The following RBFOX1 variants were observed in gnomAD, a reference collection of about 807,000 sequenced individuals.
The protein encoded by RBFOX1 is RNA binding protein fox-1 homolog 1.
A neutral mutation model predicts 57.7 loss-of-function variants in RBFOX1; 8 were observed. The observed-to-expected ratio is 0.14, with a 90% CI of 0.08 to 0.25. The LOEUF (loss-of-function observed/expected upper bound fraction) is 0.25. Among genes scored for constraint, RBFOX1 ranks in the 10% least tolerant of loss-of-function variants. The probability of loss-of-function intolerance (pLI) is 1.00; values close to 1 mark genes in which losing one functional copy is unlikely to be tolerated. For synonymous variants in RBFOX1, 326 were observed against 222.4 expected, an observed-to-expected ratio of 1.47 and a Z score of -4.15; for missense variants, 611 against 548.5, an observed-to-expected ratio of 1.11 and a Z score of -1.14.
At position 7,289,407 on chromosome 16, in the gene RBFOX1, C is replaced by T. The variant is rs1374639275; in HGVS notation, c.28-228740C>T. Among the ~76,000 whole-genome samples, 12 of 152,126 alleles carry T rather than the reference C, an allele frequency of 7.9e-5. 1 individual carries two copies. Among genetic ancestry groups the T allele is most frequent in the Admixed American group, 5.2e-4 (8 of 15,278 alleles). On this transcript the variant is annotated intron_variant, in intron 4 of 15. Coordinates refer to ENST00000550418, the MANE Select transcript of RBFOX1 (RefSeq NM_018723.4). Reference sequence around the variant, plus strand: ...TCATTACCGATACCAACATTACCACCACCATTATCATCATCACCATCACCA... The same window carrying T: ...TCATTACCGATACCAACATTACCACTACCATTATCATCATCACCATCACCA...
At chr16:5,706,757 C>G (rs79961649) in intron 3 of RBFOX1, among the ~76,000 whole-genome samples, 2,163 of 152,112 alleles carry the variant, frequency 0.014, 63 homozygotes, top group African/African-American at 0.048. Context: ...TGATTTGTCT[C>G]CGGGGGCACC....
chr16:7,395,733 A>G (rs1345237661), intron 4 of RBFOX1, among the ~76,000 whole-genome samples: 2 of 152,216 alleles, frequency 1.3e-5, no homozygotes, highest in African/African-American at 4.8e-5. Flanking sequence ...AGGGACAAAT[A>G]CATTTCTGAA....
chr16:7,142,006 T>A (rs1365330701), intron 4 of RBFOX1, among the ~76,000 whole-genome samples: 1 of 128,136 alleles, frequency 7.8e-6, no homozygotes, highest in Non-Finnish European at 1.8e-5. Flanking sequence ...TTCTTCCTCC[T>A]TCTTCTTCCT....
At chr16:6,644,124 TCAATAATAA>T (rs2098514479) in intron 2 of RBFOX1, among the ~76,000 whole-genome samples, 2 of 152,190 alleles carry the variant, frequency 1.3e-5, no homozygotes, top group Non-Finnish European at 2.9e-5. Context: ...AGACTCCATC[TCAATAATAA>T]TAGTGTAGGT....
At chr16:7,036,052 C>T (rs1265789851) in intron 3 of RBFOX1, among the ~76,000 whole-genome samples, 1 of 152,080 alleles carries the variant, frequency 6.6e-6, no homozygotes, top group Non-Finnish European at 1.5e-5. Context: ...TAGAAATCAG[C>T]AATAGAAAAG....
At chr16:6,292,200 C>G (rs900592305) in intron 1 of RBFOX1, among the ~76,000 whole-genome samples, 2 of 152,054 alleles carry the variant, frequency 1.3e-5, no homozygotes, top group Non-Finnish European at 2.9e-5. Context: ...GTCAAGGCTG[C>G]AGTAAGCCAT....
chr16:5,835,018 G>T lies in RBFOX1; in HGVS notation c.319-32285G>T, dbSNP rs1010988437. On this transcript the variant is annotated intron_variant, in intron 3 of 19. Transcript: ENST00000641259. ...TCACCTTACCCCACTCACCATGGCC[G>T]TTTTTTAAGTCAGTAAACAATAGAT... 3.3e-5 allele frequency among the ~76,000 whole-genome samples: 5 copies of T among 152,280 alleles called. 1 individual carries two copies. The South Asian group carries it at 8.3e-4, about 25-fold the overall frequency.
intron 3 of RBFOX1, among the ~76,000 whole-genome samples, chr16:6,859,199 A>ATATATATACGTATATATATACG (rs1567594061): frequency 9.3e-6 from 1 of 107,770 alleles, no homozygotes; most frequent in African/African-American, 3.6e-5. Flanking sequence ...ATATATATGT[A>ATATATATACGTATATATATACG]TATATATATA....
intron 2 of RBFOX1, among the ~76,000 whole-genome samples, chr16:5,536,648 C>T (rs952396511): frequency 2.0e-5 from 3 of 151,968 alleles, no homozygotes; most frequent in Non-Finnish European, 4.4e-5. Flanking sequence ...GGGAGACAAG[C>T]GTCAAATTCG....
intron 4 of RBFOX1, among the ~76,000 whole-genome samples, chr16:7,106,662 C>G (rs1288687252): frequency 6.6e-6 from 1 of 151,724 alleles, no homozygotes. Context: ...TGATTTAATT[C>G]AAACATTGTG....
chr16:7,600,387 C>T (rs902566601), intron 9 of RBFOX1, among the ~76,000 whole-genome samples: 4 of 152,214 alleles, frequency 2.6e-5, no homozygotes, highest in African/African-American at 9.6e-5. Flanking sequence ...TCCCAAGTTT[C>T]AACTCAGGAG....
chr16:7,420,930 T>C (rs200338713), intron 4 of RBFOX1, among the ~76,000 whole-genome samples: 65 of 138,062 alleles, frequency 4.7e-4, no homozygotes, highest in Middle Eastern at 3.8e-3. Context: ...TATATACACA[T>C]ATATATATAC....
chr16:5,520,684 G>A (rs575538121), intron 2 of RBFOX1, among the ~76,000 whole-genome samples: 29 of 152,154 alleles, frequency 1.9e-4, no homozygotes, highest in African/African-American at 7.0e-4. Context: ...GTATATGCTC[G>A]TCTCACCATA....
chr16:6,817,419 C>A (rs890186179), intron 3 of RBFOX1, among the ~76,000 whole-genome samples: 1 of 151,522 alleles, frequency 6.6e-6, no homozygotes, highest in Non-Finnish European at 1.5e-5. Context: ...TTTAGCTGGA[C>A]GCAGTGGCTC....
At chr16:6,074,690 G>A (rs1399010002) in intron 1 of RBFOX1, among the ~76,000 whole-genome samples, 1 of 152,210 alleles carries the variant, frequency 6.6e-6, no homozygotes, top group Non-Finnish European at 1.5e-5. Context: ...GATGGAGACA[G>A]CAGAGGTAAG....
At chr16:5,780,208 G>A (rs769678113) in intron 3 of RBFOX1, among the ~76,000 whole-genome samples, 8 of 152,134 alleles carry the variant, frequency 5.3e-5, no homozygotes, top group African/African-American at 7.2e-5. Context: ...TCACTATCTT[G>A]GCCAGGCTGG....
chr16:7,472,509 G>A (rs2061752968), intron 4 of RBFOX1, among the ~76,000 whole-genome samples: 1 of 152,146 alleles, frequency 6.6e-6, no homozygotes, highest in Admixed American at 6.5e-5. Flanking sequence ...ATTCTGATAT[G>A]AAAATCTTTA....
chr16:7,660,275 A>G (rs1207106647), intron 12 of RBFOX1, among the ~76,000 whole-genome samples: 1 of 152,238 alleles, frequency 6.6e-6, no homozygotes, highest in Non-Finnish European at 1.5e-5. Context: ...TTGCAAAAGC[A>G]CATTGAGTCC....
chr16:5,724,093 A>G (rs1420302195), intron 3 of RBFOX1, among the ~76,000 whole-genome samples: 2 of 152,078 alleles, frequency 1.3e-5, no homozygotes, highest in East Asian at 3.9e-4. Context: ...GCTTCTCACC[A>G]ATTTTGTGGT....
Sources: allele counts gnomAD v4.1 joint callset (sites outside exome capture counted in the v4.1 genomes callset), GRCh38; gene constraint gnomAD v4.1.1; transcripts MANE v1.5; gene names NCBI Gene and HGNC (gene_info 2026-07-23, HGNC 2026-07-21).